The following URI1 variants were observed in gnomAD, a reference collection of about 807,000 sequenced individuals.
URI1 encodes URI1 prefoldin like chaperone.
A neutral mutation model predicts 60.2 loss-of-function variants in URI1; 39 were observed. That is an observed-to-expected ratio of 0.65 (90% CI 0.50 to 0.85). The LOEUF (loss-of-function observed/expected upper bound fraction) is 0.85. Among genes scored for constraint, URI1 ranks in the 40% least tolerant of loss-of-function variants. The pLI, the probability that URI1 is intolerant of heterozygous loss-of-function variation, is 0.00. For missense variants in URI1, 691 were observed against 665.9 expected, an observed-to-expected ratio of 1.04 and a Z score of -0.42; for synonymous variants, 251 against 236.8, an observed-to-expected ratio of 1.06 and a Z score of -0.55.
chr19:29,976,347 C>T lies in URI1; in HGVS notation c.152+5120C>T, dbSNP rs536979491. On this transcript the variant is annotated intron_variant, in intron 2 of 10. Coordinates refer to ENST00000392271, the MANE Select transcript of URI1 (RefSeq NM_003796.3). ...TGTGGGCTCACTGCTTTGGTTGCAG[C>T]CAGTTGGTGGCTGGGTCAGCTTTGT... is the stretch of plus-strand genomic sequence containing the variant. Among the ~76,000 whole-genome samples the T allele has an allele frequency of 1.3e-4, 20 of 152,290 alleles. 1 individual carries two copies. The highest frequency in any genetic ancestry group is 3.4e-3 in the Middle Eastern group (1 of 294).
At chr19:29,998,721 A>G (rs534706750) in intron 4 of URI1, among the ~76,000 whole-genome samples, 1 of 152,246 alleles carries the variant, frequency 6.6e-6, no homozygotes, top group African/African-American at 2.4e-5. Context: ...AGTCTCTTAT[A>G]GACAGTATAT....
intron 10 of URI1, among the ~76,000 whole-genome samples, chr19:30,013,513 T>C (rs573797789): frequency 6.6e-6 from 1 of 152,312 alleles, no homozygotes; most frequent in African/African-American, 2.4e-5. Context: ...ATGGATGTTA[T>C]CAGGTAATTG....
intron 1 of URI1, among the ~76,000 whole-genome samples, chr19:29,928,876 C>T (rs868282000): frequency 6.6e-6 from 1 of 152,152 alleles, no homozygotes; most frequent in Non-Finnish European, 1.5e-5. Context: ...ACACCCAGAA[C>T]TCATTTAGGG....
chr19:29,957,460 T>A (rs1028379203), intron 1 of URI1, among the ~76,000 whole-genome samples: 2 of 152,130 alleles, frequency 1.3e-5, no homozygotes, highest in Non-Finnish European at 2.9e-5. Flanking sequence ...ATTATTTGTG[T>A]GTAGCTCTGT....
intron 6 of URI1, among the ~76,000 whole-genome samples, chr19:30,006,312 G>A (rs2055942175): frequency 6.6e-6 from 1 of 152,006 alleles, no homozygotes; most frequent in Non-Finnish European, 1.5e-5. Context: ...TATTACAGAT[G>A]GCTTATTATT....
chr19:29,945,051 T>G (rs1361626059), intron 1 of URI1, among the ~76,000 whole-genome samples: 1 of 152,248 alleles, frequency 6.6e-6, no homozygotes, highest in Non-Finnish European at 1.5e-5. Context: ...TTAGTATTCC[T>G]TTATGAAAGA....
intron 4 of URI1, among the ~76,000 whole-genome samples, chr19:29,992,865 T>C (rs2055764063): frequency 6.6e-6 from 1 of 152,202 alleles, no homozygotes; most frequent in Admixed American, 6.5e-5. Flanking sequence ...TAGAATGACT[T>C]GAAATTCTAG....
intron 2 of URI1, chr19:29,983,286 G>T (rs1371718024): frequency 6.6e-6 from 1 of 152,040 alleles, no homozygotes; most frequent in African/African-American, 2.4e-5. Context: ...TTGCTATGTG[G>T]TTTTTCCATC....
chr19:29,992,367 G>A (rs2055757618), intron 4 of URI1, among the ~76,000 whole-genome samples: 2 of 152,198 alleles, frequency 1.3e-5, no homozygotes, highest in Admixed American at 6.5e-5. Flanking sequence ...ACTGTGCCTG[G>A]CCTAAAGTGA....
intron 2 of URI1, among the ~76,000 whole-genome samples, chr19:29,981,088 T>C (rs1599697819): frequency 6.7e-6 from 1 of 149,660 alleles, no homozygotes; most frequent in Non-Finnish European, 1.5e-5. Flanking sequence ...CCTCAAAGGA[T>C]GTAGACTTTT....
rs563575574 is a variant in URI1, at chr19:29,949,315, C to T, written c.117+6651C>T. On this transcript the variant is annotated intron_variant, in intron 1 of 10. Transcript: ENST00000392271. ...GGCGCTCCCCACATCCCAGACGGGG[C>T]GGCGGGGCGGAGGTGCTCCCCACAT... is the stretch of plus-strand genomic sequence containing the variant. 3.6e-3 allele frequency among the ~76,000 whole-genome samples: 538 copies of T among 149,250 alleles called. 2 individuals are homozygous for T. Among genetic ancestry groups the T allele is most frequent in the African/African-American group, 8.1e-3 (324 of 40,222 alleles).
chr19:29,947,813 C>T (rs1384209830), intron 1 of URI1, among the ~76,000 whole-genome samples: 1 of 152,022 alleles, frequency 6.6e-6, no homozygotes, highest in African/African-American at 2.4e-5. Context: ...CAATTGTTTC[C>T]TTCATGGTTA....
intron 4 of URI1, 107 bp from the exon 5 acceptor site, chr19:30,005,254 G>A: frequency 1.6e-6 from 1 of 621,722 alleles, no homozygotes; most frequent in Non-Finnish European, 2.7e-6. Flanking sequence ...TTTTTGAAAA[G>A]CATTACTGTT....
At chr19:30,006,677 A>G (rs2055946719) in intron 6 of URI1, among the ~76,000 whole-genome samples, 1 of 152,154 alleles carries the variant, frequency 6.6e-6, no homozygotes, top group African/African-American at 2.4e-5. Context: ...TGAATATATG[A>G]TGGACTCGAG....
intron 4 of URI1, chr19:30,004,633 G>A (rs2055917161): frequency 6.6e-6 from 1 of 151,964 alleles, no homozygotes; most frequent in Non-Finnish European, 1.5e-5. Flanking sequence ...GTAGGATATT[G>A]TTCAGCATAT....
intron 2 of URI1, among the ~76,000 whole-genome samples, chr19:29,979,664 G>T (rs1489924524): frequency 2.0e-5 from 3 of 152,078 alleles, no homozygotes; most frequent in Non-Finnish European, 4.4e-5. Context: ...GTTTTTATAT[G>T]CGGGTTAATC....
At chr19:29,938,917 C>T (rs1354420303), upstream of URI1, among the ~76,000 whole-genome samples, 2 of 151,004 alleles carry the variant, frequency 1.3e-5, no homozygotes, top group East Asian at 2.0e-4. Flanking sequence ...ACCTCAGGAT[C>T]TGCCCACCTC....
upstream of URI1, among the ~76,000 whole-genome samples, chr19:29,940,976 T>C (rs2055017506): frequency 6.6e-6 from 1 of 152,084 alleles, no homozygotes; most frequent in Non-Finnish European, 1.5e-5. Context: ...CCAGAGGTGA[T>C]GATGGTTGGA....
chr19:30,011,783 C>T (rs546323674), intron 9 of URI1, among the ~76,000 whole-genome samples: 1 of 151,644 alleles, frequency 6.6e-6, no homozygotes, highest in South Asian at 2.1e-4. Flanking sequence ...GCTATTGCCA[C>T]CTAGGACATG....
Sources: allele counts gnomAD v4.1 joint callset (sites outside exome capture counted in the v4.1 genomes callset), GRCh38; gene constraint gnomAD v4.1.1; transcripts MANE v1.5; gene names NCBI Gene and HGNC (gene_info 2026-07-23, HGNC 2026-07-21).